The following BZW2 variants were observed in gnomAD, a reference collection of about 807,000 sequenced individuals.
The protein encoded by BZW2 is eIF5-mimic protein 1.
A neutral mutation model predicts 53.2 loss-of-function variants in BZW2; 23 were observed. The observed-to-expected ratio is 0.43, with a 90% CI of 0.31 to 0.61. The LOEUF (loss-of-function observed/expected upper bound fraction) is 0.61, where lower values mean the gene tolerates loss of function less well. Ranked by LOEUF, BZW2 falls within the 20% of genes least tolerant of loss-of-function variation. The probability of loss-of-function intolerance (pLI) is 0.09; values close to 1 mark genes in which losing one functional copy is unlikely to be tolerated. For synonymous variants in BZW2, 227 were observed against 186.4 expected (o/e 1.22, Z -1.77); for missense variants, 409 against 503.1 (o/e 0.81, Z 1.79).
chr7:16,647,721 A>G (rs1477720757), intron 1 of BZW2, among the ~76,000 whole-genome samples: 2 of 152,226 alleles, frequency 1.3e-5, no homozygotes, highest in East Asian at 3.8e-4. Flanking sequence ...TCAGAGTTAC[A>G]ATTGATTTAT....
chr7:16,680,106 A>G (rs1416982295), intron 3 of BZW2, among the ~76,000 whole-genome samples: 1 of 152,140 alleles, frequency 6.6e-6, no homozygotes, highest in East Asian at 1.9e-4. Context: ...CTATTCAACC[A>G]GTCATGGGTA....
At chr7:16,681,708 T>C (rs541243800) in intron 4 of BZW2, among the ~76,000 whole-genome samples, 1 of 152,260 alleles carries the variant, frequency 6.6e-6, no homozygotes, top group South Asian at 2.1e-4. Flanking sequence ...GGTGGGTGCC[T>C]GTAATCCCAG....
At position 16,696,954 on chromosome 7, in the gene BZW2, C is replaced by A. The variant is rs750555836; in HGVS notation, c.862C>A (p.Leu288Ile). Residue 288 changes from leucine (L) to isoleucine (I), a missense_variant, in exon 9 of 12, where the codon CTT becomes ATT. Leu to Ile is a conservative substitution (Grantham distance 5). Around this residue, in one of 3 missense-constraint regions of BZW2, gnomAD observed 316 missense variants for 366.8 expected, o/e 0.86. Coordinates refer to ENST00000258761, the MANE Select transcript of BZW2 (RefSeq NM_014038.3). ...YVKEEMKRND[L>I]PETAVIGLLW... ...CAAAGAAGAAATGAAGAGGAATGAT[C>A]TTCCAGAAACAGCAGTGATTGGTCT... The A allele has an allele frequency of 4.6e-5, 75 of 1,613,976 alleles. No homozygotes were observed. Among genetic ancestry groups the A allele is most frequent in the Non-Finnish European group, 6.2e-5 (73 of 1,179,986 alleles).
In BZW2 at chr7:16,689,882, A is replaced by G; in HGVS notation, c.627A>G (p.Lys209=). ...ACTCTGTTACCTCGTCTTTGAGAAAAGCCAACTTAGACAAGAGGCTGCTTG... is the reference window on the plus strand; with the variant it reads ...ACTCTGTTACCTCGTCTTTGAGAAAGGCCAACTTAGACAAGAGGCTGCTTG... The part of the protein sequence containing the change: ...DANSVTSSLR[K]ANLDKRLLEL... Residue 209 remains lysine (K), a synonymous_variant, in exon 7 of 12, where the codon AAA becomes AAG. Transcript: ENST00000258761. 6.2e-7 allele frequency: 1 copy of G among 1,611,420 alleles called. No homozygotes were observed. The highest frequency in any genetic ancestry group is 8.5e-7 in the Non-Finnish European group (1 of 1,178,720).
At chr7:16,689,963 A>G in intron 7 of BZW2, 57 bp downstream of exon 7, 1 of 1,302,104 alleles carries the variant, frequency 7.7e-7, no homozygotes, top group Non-Finnish European at 1.1e-6. Context: ...GAGCTTAAGC[A>G]ATGCCTGCAA....
At chr7:16,647,553 G>A (rs986398621) in intron 1 of BZW2, among the ~76,000 whole-genome samples, 1 of 152,164 alleles carries the variant, frequency 6.6e-6, no homozygotes, top group Non-Finnish European at 1.5e-5. Context: ...GACTGGGACA[G>A]ATCTGAGCCA....
intron 1 of BZW2, among the ~76,000 whole-genome samples, chr7:16,653,738 C>T (rs1782045039): frequency 1.3e-5 from 2 of 152,134 alleles, no homozygotes; most frequent in South Asian, 4.1e-4. Flanking sequence ...ATCTCGAATG[C>T]ATAGGCATTT....
chr7:16,665,377 T>A (rs1782391669), intron 1 of BZW2, 60 bp from the exon 2 acceptor site: 1 of 1,600,722 alleles, frequency 6.2e-7, no homozygotes, highest in African/African-American at 1.3e-5. Flanking sequence ...TTATTGGCCA[T>A]ATGTTTTCCA....
At chr7:16,687,829 AAAG>A (rs1212565501) in intron 6 of BZW2, among the ~76,000 whole-genome samples, 1 of 152,300 alleles carries the variant, frequency 6.6e-6, no homozygotes, top group East Asian at 1.9e-4. Flanking sequence ...GAGTAACTAT[AAAG>A]AAAGTTAAAT....
rs757362212 is a variant in BZW2, at chr7:16,694,861, G to A, written c.679G>A (p.Val227Met). Residue 227 changes from valine to methionine, a missense_variant, in exon 8 of 12, where the codon GTG becomes ATG. Around this residue, in one of 3 missense-constraint regions of BZW2, gnomAD observed 316 missense variants for 366.8 expected, o/e 0.86. Coordinates refer to ENST00000258761, the MANE Select transcript of BZW2 (RefSeq NM_014038.3). ...ACTCTTTCCAGTTAACAGACAGAGT[G>A]TGGATCATTTTGCTAAATACTTCAC... ...LELFPVNRQS[V>M]DHFAKYFTDA... is the part of the protein sequence containing the mutation. 3.2e-6 allele frequency: 5 copies of A among 1,548,382 alleles called. No individual in the cohort carries two copies. Among genetic ancestry groups the A allele is most frequent in the African/African-American group, 2.7e-5 (2 of 74,378 alleles).
intron 1 of BZW2, among the ~76,000 whole-genome samples, chr7:16,655,025 C>T (rs1013152236): frequency 2.0e-5 from 3 of 152,176 alleles, no homozygotes; most frequent in Non-Finnish European, 2.9e-5. Flanking sequence ...TAATCACCTA[C>T]TTTTTTGCTT....
intron 4 of BZW2, 29 bp from the exon 5 acceptor site, chr7:16,682,751 C>T: frequency 4.8e-6 from 7 of 1,459,580 alleles, no homozygotes; most frequent in South Asian, 3.8e-5. Flanking sequence ...TTTGGTTGAC[C>T]TAATATTTAA....
intron 3 of BZW2, among the ~76,000 whole-genome samples, chr7:16,678,839 C>T (rs910681334): frequency 1.3e-5 from 2 of 151,260 alleles, no homozygotes; most frequent in African/African-American, 2.4e-5. Context: ...CATCACGTGT[C>T]GGCCTGAGCT....
intron 6 of BZW2, chr7:16,688,522 G>C (rs1783201775): frequency 6.6e-6 from 1 of 152,248 alleles, no homozygotes; most frequent in African/African-American, 2.4e-5. Flanking sequence ...TCATCAGAAA[G>C]GGGTGGTACC....
chr7:16,671,734 C>G (rs989511673), intron 2 of BZW2, among the ~76,000 whole-genome samples: 8 of 151,948 alleles, frequency 5.3e-5, no homozygotes, highest in Admixed American at 1.3e-4. Context: ...AGTTTGAGAC[C>G]AGCCTATGCA....
intron 1 of BZW2, among the ~76,000 whole-genome samples, chr7:16,664,469 G>A (rs917790236): frequency 5.9e-5 from 9 of 152,202 alleles, no homozygotes; most frequent in Non-Finnish European, 1.3e-4. Context: ...TTTCCTGAAA[G>A]AGAGGCAGGA....
intron 3 of BZW2, among the ~76,000 whole-genome samples, chr7:16,680,114 G>A (rs3807481): frequency 0.23 from 35,508 of 151,916 alleles, 4,413 homozygotes; most frequent in East Asian, 0.37. Flanking sequence ...CCAGTCATGG[G>A]TAACTGGGTT....
At chr7:16,682,343 TTATAACACG>T (rs1782974168) in intron 4 of BZW2, among the ~76,000 whole-genome samples, 1 of 152,206 alleles carries the variant, frequency 6.6e-6, no homozygotes, top group Non-Finnish European at 1.5e-5. Flanking sequence ...TGCCAGTAAA[TTATAACACG>T]TTTTGCTCAT....
At chr7:16,673,291 A>G (rs992902156) in intron 2 of BZW2, among the ~76,000 whole-genome samples, 2 of 152,182 alleles carry the variant, frequency 1.3e-5, no homozygotes, top group Non-Finnish European at 2.9e-5. Flanking sequence ...TAATATCTAT[A>G]TCCCTGTCAG....
Sources: gnomAD v4.1 joint callset for allele counts (sites outside exome capture counted in the v4.1 genomes callset) on GRCh38, gnomAD v4.1.1 for gene constraint, gnomAD v4.1.1 regional missense constraint, MANE v1.5 for transcripts, NCBI Gene and HGNC (gene_info 2026-07-23, HGNC 2026-07-21) for gene names.